Variants in FHIT observed in about 807,000 individuals in gnomAD.
The protein encoded by FHIT is fragile histidine triad diadenosine triphosphatase.
Under a neutral mutation model 17.9 loss-of-function variants are expected in FHIT, and 19 were observed. The observed-to-expected ratio is 1.06, with a 90% confidence interval of 0.74 to 1.56. The LOEUF (loss-of-function observed/expected upper bound fraction) is 1.56, where lower values mean the gene tolerates loss of function less well. Among genes scored for constraint, FHIT ranks in the 40% most tolerant of loss-of-function variants. The pLI is 0.00. For missense variants in FHIT, 248 were observed against 189.2 expected (o/e 1.31, Z -1.82); for synonymous variants, 81 against 69.7 (o/e 1.16, Z -0.81).
chr3:60,591,360 A>G (rs1343537275), intron 4 of FHIT, among the ~76,000 whole-genome samples: 4 of 150,818 alleles, frequency 2.7e-5, no homozygotes, highest in African/African-American at 7.3e-5. Context: ...AATGAGAGAT[A>G]GTCTTAGAGA....
chr3:61,239,762 CATATATATATATAT>C (rs72107416), intron 1 of FHIT, among the ~76,000 whole-genome samples: 1 of 108,300 alleles, frequency 9.2e-6, no homozygotes, highest in East Asian at 3.8e-4. Flanking sequence ...AACAACTGGC[CATATATATATATAT>C]ATATATATAC....
chr3:60,614,744 C>T (rs566203117), intron 4 of FHIT, among the ~76,000 whole-genome samples: 3 of 151,400 alleles, frequency 2.0e-5, no homozygotes, highest in South Asian at 2.1e-4. Flanking sequence ...TGAACCCCAT[C>T]GTAACAGGGT....
chr3:60,448,921 G>A (rs383111), intron 5 of FHIT, among the ~76,000 whole-genome samples: 65,161 of 151,906 alleles, frequency 0.43, 16,793 homozygotes, highest in African/African-American at 0.72. Flanking sequence ...AAATTCCTAT[G>A]GGGCTAAGAA....
At chr3:60,699,229 C>A (rs2041183499) in intron 4 of FHIT, among the ~76,000 whole-genome samples, 1 of 152,152 alleles carries the variant, frequency 6.6e-6, no homozygotes, top group South Asian at 2.1e-4. Flanking sequence ...TCCATACACA[C>A]ATCTTTGCAG....
chr3:60,796,118 T>C lies in FHIT; in HGVS notation c.-18+25801A>G, dbSNP rs533129539. ...TAAGACTTATTCACTATCATGAGAA[T>C]AGCATGGGAAAGACCAGCCCCCATG... On this transcript the variant is annotated intron_variant, in intron 4 of 9. Coordinates refer to ENST00000492590, the MANE Select transcript of FHIT (RefSeq NM_002012.4). 4.6e-5 allele frequency among the ~76,000 whole-genome samples: 7 copies of C among 152,114 alleles called. No individual in the cohort carries two copies. In the South Asian group the frequency reaches 8.3e-4, roughly 18 times the overall value.
At chr3:60,067,431 C>G (rs1702565885) in intron 5 of FHIT, among the ~76,000 whole-genome samples, 1 of 152,040 alleles carries the variant, frequency 6.6e-6, no homozygotes. Context: ...TACTCTAAAA[C>G]AAATGGGCAG....
At chr3:61,248,143 T>C (rs1482091642) in intron 1 of FHIT, among the ~76,000 whole-genome samples, 1 of 152,240 alleles carries the variant, frequency 6.6e-6, no homozygotes, top group African/African-American at 2.4e-5. Flanking sequence ...CTACATCTTA[T>C]ATTTCAAAGC....
At chr3:60,237,597 G>C (rs141922209) in intron 5 of FHIT, among the ~76,000 whole-genome samples, 27 of 152,176 alleles carry the variant, frequency 1.8e-4, no homozygotes, top group African/African-American at 6.5e-4. Flanking sequence ...ACCACAGTGA[G>C]GCAGGCCACC....
intron 5 of FHIT, among the ~76,000 whole-genome samples, chr3:60,403,802 T>C (rs1339116266): frequency 6.6e-6 from 1 of 152,174 alleles, no homozygotes; most frequent in Non-Finnish European, 1.5e-5. Flanking sequence ...AATTGGACAA[T>C]TTCCCCTGTA....
At chr3:60,266,160 T>C (rs182662051) in intron 5 of FHIT, among the ~76,000 whole-genome samples, 49 of 152,096 alleles carry the variant, frequency 3.2e-4, no homozygotes, top group African/African-American at 7.7e-4. Context: ...CAAATTTCCA[T>C]TGATGGATGA....
intron 8 of FHIT, among the ~76,000 whole-genome samples, chr3:59,780,162 T>C (rs564234587): frequency 4.6e-5 from 7 of 152,338 alleles, no homozygotes; most frequent in Admixed American, 2.6e-4. Context: ...CAATCTTTCA[T>C]AGACACTCTT....
chr3:60,360,214 G>T (rs745375316), intron 5 of FHIT, among the ~76,000 whole-genome samples: 2 of 151,814 alleles, frequency 1.3e-5, no homozygotes, highest in African/African-American at 2.4e-5. Context: ...AGAGTCAAAG[G>T]CTGAGTATGG....
At chr3:59,967,900 A>G (rs1282320355) in intron 7 of FHIT, among the ~76,000 whole-genome samples, 1 of 152,114 alleles carries the variant, frequency 6.6e-6, no homozygotes, top group Non-Finnish European at 1.5e-5. Flanking sequence ...GAATGGAGAA[A>G]AGATATCTTA....
chr3:61,169,668 C>A (rs940518690), intron 2 of FHIT, among the ~76,000 whole-genome samples: 3 of 151,912 alleles, frequency 2.0e-5, no homozygotes, highest in African/African-American at 7.3e-5. Flanking sequence ...TAAAATGATA[C>A]AAGACAAAAA....
At chr3:60,937,597 T>C (rs1868223) in intron 3 of FHIT, among the ~76,000 whole-genome samples, 131,735 of 142,462 alleles carry the variant, frequency 0.92, 61,914 homozygotes, top group East Asian at 1. Context: ...GGAGTCTCAC[T>C]CTGTCACCCA....
intron 5 of FHIT, among the ~76,000 whole-genome samples, chr3:60,214,218 A>C (rs184746783): frequency 6.6e-6 from 1 of 152,278 alleles, no homozygotes; most frequent in East Asian, 1.9e-4. Context: ...ACTTACAAAC[A>C]AGCAACAAAT....
chr3:59,886,897 T>C (rs1703647824), intron 8 of FHIT, among the ~76,000 whole-genome samples: 1 of 152,196 alleles, frequency 6.6e-6, no homozygotes, highest in Admixed American at 6.5e-5. Context: ...ATTCATTTAT[T>C]GAGAACCAAC....
At chr3:60,493,380 A>C (rs1192673589) in intron 5 of FHIT, among the ~76,000 whole-genome samples, 1 of 152,206 alleles carries the variant, frequency 6.6e-6, no homozygotes, top group Non-Finnish European at 1.5e-5. Context: ...ACCTTCCTGA[A>C]TCTGCCTAAA....
chr3:60,627,120 G>A (rs1553681184), intron 4 of FHIT, among the ~76,000 whole-genome samples: 1 of 152,066 alleles, frequency 6.6e-6, no homozygotes. Context: ...CATCTGTATT[G>A]ATAAGATATT....
Sources: allele counts gnomAD v4.1 joint callset (sites outside exome capture counted in the v4.1 genomes callset), GRCh38; gene constraint gnomAD v4.1.1; transcripts MANE v1.5; gene names NCBI Gene and HGNC (gene_info 2026-07-23, HGNC 2026-07-21).